Variants in PCDH9 observed in about 807,000 individuals in gnomAD.
PCDH9 encodes the protein protocadherin-9.
Under a neutral mutation model 70.6 loss-of-function variants are expected in PCDH9, and 24 were observed. That is an observed-to-expected ratio of 0.34 (90% confidence interval 0.25 to 0.48). The LOEUF is 0.48. Ranked by LOEUF, PCDH9 falls within the 20% of genes least tolerant of loss-of-function variation. PCDH9 has a pLI of 0.99. For synonymous variants in PCDH9, 562 were observed against 558.5 expected, an observed-to-expected ratio of 1.01 and a Z score of -0.09; for missense variants, 1,281 against 1,503.6, an observed-to-expected ratio of 0.85 and a Z score of 2.45.
chr13:66,787,489 A>T (rs930880654), intron 3 of PCDH9, among the ~76,000 whole-genome samples: 6 of 151,840 alleles, frequency 4.0e-5, no homozygotes, highest in Admixed American at 3.9e-4. Flanking sequence ...GGTAGCGGGT[A>T]CCTTTAATCC....
chr13:66,358,936 A>G (rs990473402), intron 4 of PCDH9, among the ~76,000 whole-genome samples: 2 of 151,978 alleles, frequency 1.3e-5, no homozygotes, highest in African/African-American at 4.8e-5. Flanking sequence ...ACTAGTAAAC[A>G]ATATTTTTTC....
chr13:66,316,176 GA>G (rs1955648428), intron 4 of PCDH9, among the ~76,000 whole-genome samples: 1 of 151,884 alleles, frequency 6.6e-6, no homozygotes, highest in African/African-American at 2.4e-5. Flanking sequence ...TTCTTACTGG[GA>G]TCACTTTGAT....
chr13:66,307,347 G>A (rs1485828295), intron 4 of PCDH9, among the ~76,000 whole-genome samples: 1 of 152,008 alleles, frequency 6.6e-6, no homozygotes, highest in Non-Finnish European at 1.5e-5. Context: ...AAACTTTTAT[G>A]AGGTTGAAAA....
intron 3 of PCDH9, among the ~76,000 whole-genome samples, chr13:66,746,956 C>T (rs992464938): frequency 3.3e-5 from 5 of 151,956 alleles, no homozygotes; most frequent in Non-Finnish European, 5.9e-5. Context: ...AGATTTCTTG[C>T]TATTTTTTCC....
chr13:66,365,383 G>C (rs947246123), intron 4 of PCDH9, among the ~76,000 whole-genome samples: 6 of 152,148 alleles, frequency 3.9e-5, no homozygotes, highest in African/African-American at 1.4e-4. Context: ...TTGTCAACAT[G>C]TGCAGATGAT....
At chr13:66,343,852 TG>T (rs1175345688) in intron 4 of PCDH9, among the ~76,000 whole-genome samples, 2 of 152,102 alleles carry the variant, frequency 1.3e-5, no homozygotes, top group Non-Finnish European at 2.9e-5. Context: ...GGGCTGAGGA[TG>T]GTAAATGAGC....
At chr13:66,474,189 A>C (rs1958674320) in intron 4 of PCDH9, among the ~76,000 whole-genome samples, 1 of 152,124 alleles carries the variant, frequency 6.6e-6, no homozygotes, top group Non-Finnish European at 1.5e-5. Context: ...TCTCATTTTG[A>C]CTTACCTATC....
At chr13:66,689,066 C>T (rs1436421432) in intron 3 of PCDH9, among the ~76,000 whole-genome samples, 2 of 152,156 alleles carry the variant, frequency 1.3e-5, no homozygotes, top group Admixed American at 6.5e-5. Flanking sequence ...TAATATATGC[C>T]ATATCAAGGA....
intron 3 of PCDH9, among the ~76,000 whole-genome samples, chr13:66,638,659 C>CAT (rs1472170294): frequency 6.6e-6 from 1 of 151,990 alleles, no homozygotes; most frequent in Non-Finnish European, 1.5e-5. Flanking sequence ...TTATGAGGAA[C>CAT]ATATACACAT....
intron 3 of PCDH9, among the ~76,000 whole-genome samples, chr13:66,646,458 A>G (rs1302067657): frequency 6.6e-6 from 1 of 152,214 alleles, no homozygotes; most frequent in East Asian, 1.9e-4. Flanking sequence ...CTAGCACTTC[A>G]CATCATGCTT....
intron 3 of PCDH9, among the ~76,000 whole-genome samples, chr13:66,666,297 G>A (rs1200913120): frequency 6.6e-6 from 1 of 152,162 alleles, no homozygotes; most frequent in Non-Finnish European, 1.5e-5. Flanking sequence ...TGGTGCACAG[G>A]CAGCAAGGGA....
chr13:66,584,957 T>TA (rs1451278412), intron 4 of PCDH9, among the ~76,000 whole-genome samples: 1 of 152,140 alleles, frequency 6.6e-6, no homozygotes, highest in Non-Finnish European at 1.5e-5. Flanking sequence ...AGGAAAGTGA[T>TA]ACGGTCATCC....
chr13:66,447,875 T>A (rs1958126691), intron 4 of PCDH9, among the ~76,000 whole-genome samples: 1 of 152,158 alleles, frequency 6.6e-6, no homozygotes, highest in Non-Finnish European at 1.5e-5. Flanking sequence ...ACTCAACTGA[T>A]TTTCAAGTAG....
intron 2 of PCDH9, among the ~76,000 whole-genome samples, chr13:67,052,716 T>C (rs2085345428): frequency 6.6e-6 from 1 of 152,038 alleles, no homozygotes; most frequent in African/African-American, 2.4e-5. Context: ...TTTATATAGA[T>C]TATATATAAG....
chr13:66,775,672 T>A (rs1031897429), intron 3 of PCDH9, among the ~76,000 whole-genome samples: 2 of 152,250 alleles, frequency 1.3e-5, no homozygotes, highest in African/African-American at 4.8e-5. Flanking sequence ...TTATCTAGCT[T>A]ACTTTATATT....
chr13:66,756,983 G>A lies in PCDH9; in HGVS notation c.3139-125572C>T, dbSNP rs932563659. 2.6e-5 allele frequency among the ~76,000 whole-genome samples: 4 copies of A among 151,970 alleles called. No individual in the cohort carries two copies. In the South Asian group the frequency reaches 8.3e-4, roughly 32 times the overall value. Reference sequence around the variant, plus strand: ...TCCCAAGTAGCTGGGACTACAGGTGGGCACCATCATGCTCTACTAATTTTT... The same window carrying A: ...TCCCAAGTAGCTGGGACTACAGGTGAGCACCATCATGCTCTACTAATTTTT... On this transcript the variant is annotated intron_variant, in intron 3 of 4. Coordinates refer to ENST00000377865, the MANE Select transcript of PCDH9 (RefSeq NM_203487.3).
At chr13:67,199,723 T>G (rs923400322) in intron 2 of PCDH9, among the ~76,000 whole-genome samples, 1 of 152,114 alleles carries the variant, frequency 6.6e-6, no homozygotes, top group Non-Finnish European at 1.5e-5. Flanking sequence ...AGGAAACATT[T>G]GTTATCTTGG....
In PCDH9 at chr13:66,621,475, C is replaced by T. The variant is rs529757322; in HGVS notation, c.3340+9735G>A. ...CTAATCAAATAACTGTACCTATTTT[C>T]TTTGAGGAAAAGGTATAAGGTTCAT... is the stretch of plus-strand genomic sequence containing the variant. On this transcript the variant is annotated intron_variant, in intron 4 of 4. Transcript: ENST00000377865. Among the ~76,000 whole-genome samples, 268 of 152,250 alleles carry T rather than the reference C, an allele frequency of 1.8e-3. 1 individual carries two copies. The highest frequency in any genetic ancestry group is 6.2e-3 in the African/African-American group (259 of 41,542).
chr13:66,866,499 A>C (rs528847679), intron 3 of PCDH9, among the ~76,000 whole-genome samples: 61 of 150,174 alleles, frequency 4.1e-4, no homozygotes, highest in African/African-American at 1.5e-3. Flanking sequence ...AAAACAAAAA[A>C]ACAAAAACTT....
Sources: allele counts gnomAD v4.1 joint callset (sites outside exome capture counted in the v4.1 genomes callset), GRCh38; gene constraint gnomAD v4.1.1; transcripts MANE v1.5; gene names NCBI Gene and HGNC (gene_info 2026-07-23, HGNC 2026-07-21).